Variants in C20orf96 observed in about 807,000 individuals in gnomAD.
The protein encoded by C20orf96 is uncharacterized protein C20orf96.
Under a neutral mutation model 52.6 loss-of-function variants are expected in C20orf96, and 57 were observed. The observed-to-expected ratio is 1.08, with a 90% confidence interval of 0.88 to 1.35. The LOEUF is 1.35. Among genes scored for constraint, C20orf96 ranks in the 40% most tolerant of loss-of-function variants. The pLI is 0.00. For missense variants in C20orf96, 478 were observed against 443.6 expected, an observed-to-expected ratio of 1.08 and a Z score of -0.70; for synonymous variants, 168 against 157.2, an observed-to-expected ratio of 1.07 and a Z score of -0.51.
chr20:285,224 A>G (rs923531754), intron 3 of C20orf96, among the ~76,000 whole-genome samples: 1 of 152,228 alleles, frequency 6.6e-6, no homozygotes, highest in African/African-American at 2.4e-5. Context: ...ATAAGAGTAC[A>G]GGCATTTGGG....
At chr20:290,220 G>T in intron 2 of C20orf96, 39 bp downstream of exon 2, 1 of 1,536,966 alleles carries the variant, frequency 6.5e-7, no homozygotes, top group Non-Finnish European at 9.0e-7. Context: ...TGCAGGGCCA[G>T]CGAGCCTCCC....
intron 1 of C20orf96, 119 bp from the exon 2 acceptor site, chr20:290,426 G>C (rs2012510441): frequency 1.3e-6 from 2 of 1,546,824 alleles, no homozygotes; most frequent in South Asian, 2.4e-5. Flanking sequence ...GGGGACAATA[G>C]CCCCGCGGGA....
intron 10 of C20orf96, among the ~76,000 whole-genome samples, chr20:274,570 C>G (rs1600183390): frequency 6.6e-6 from 1 of 152,164 alleles, no homozygotes; most frequent in Non-Finnish European, 1.5e-5. Flanking sequence ...GCACCTTACC[C>G]CTTTCAGTCT....
rs201857645 is a variant in C20orf96, at chr20:289,562, G to C, written c.184C>G (p.Pro62Ala). Reference protein sequence around the residue: ...SKMKTLTRVQPVFHFKPTTVV... With the variant: ...SKMKTLTRVQAVFHFKPTTVV... ...GCTCCCAGGTGCCTCCGCCCACCTG[G>C]TTGGACCCTAGTCAAAGTCTTCATT... The change falls in exon 3 of 11, where the codon CCA becomes GCA. Residue 62 changes from proline (P) to alanine (A), a missense_variant. By Grantham distance (27) the Pro-to-Ala change is conservative. Coordinates refer to ENST00000360321, the MANE Select transcript of C20orf96 (RefSeq NM_153269.3). 1.2e-5 allele frequency: 19 copies of C among 1,612,714 alleles called. No homozygotes were observed. In the Admixed American group the frequency reaches 3.2e-4, roughly 27 times the overall value.
rs771576019 is a variant in C20orf96, at chr20:277,333, C to G, written c.616G>C (p.Glu206Gln). The G allele has an allele frequency of 6.8e-6, 11 of 1,614,126 alleles. No individual in the cohort carries two copies. The highest frequency in any genetic ancestry group is 1.7e-4 in the Middle Eastern group (1 of 6,060). The change falls in exon 7 of 11, where the codon GAG becomes CAG. Residue 206 changes from glutamate to glutamine, a missense_variant. Coordinates refer to ENST00000360321, the MANE Select transcript of C20orf96 (RefSeq NM_153269.3). ...TAAGTGCTCAGGAAGTTCACTTCCTCCTGGGTCTTCTCAATCTTGGCATTC... is the reference window on the plus strand; with the variant it reads ...TAAGTGCTCAGGAAGTTCACTTCCTGCTGGGTCTTCTCAATCTTGGCATTC... Reference protein sequence around the residue: ...QLNAKIEKTQEEVNFLSTYMD... With the variant: ...QLNAKIEKTQQEVNFLSTYMD...
chr20:284,205 A>T (rs977498197), intron 3 of C20orf96, 124 bp from the exon 4 acceptor site: 6 of 696,482 alleles, frequency 8.6e-6, no homozygotes, highest in African/African-American at 1.8e-5. Context: ...TGACTGCCTT[A>T]TAATGTGACA....
intron 4 of C20orf96, among the ~76,000 whole-genome samples, chr20:281,348 TG>T (rs2122288664): frequency 6.6e-6 from 1 of 152,232 alleles, no homozygotes; most frequent in African/African-American, 2.4e-5. Flanking sequence ...AGCAAGACCC[TG>T]TCTTTAAATT....
intron 1 of C20orf96, 112 bp from the exon 2 acceptor site, chr20:290,419 G>A (rs552281587): frequency 1.1e-5 from 17 of 1,552,994 alleles, no homozygotes; most frequent in South Asian, 2.4e-5. Context: ...GTTTACCGGG[G>A]ACAATAGCCC....
intron 10 of C20orf96, among the ~76,000 whole-genome samples, chr20:273,104 AG>A (rs533016546): frequency 8.5e-5 from 13 of 152,086 alleles, no homozygotes; most frequent in Admixed American, 2.6e-4. Flanking sequence ...CCTTCACTGC[AG>A]CTGGGACTAC....
Position 272,175 on chromosome 20 carries a change from T to C in C20orf96, c.1032-908A>G, listed in dbSNP as rs144090994. Among the ~76,000 whole-genome samples the C allele has an allele frequency of 1.1e-3, 166 of 151,436 alleles. 2 individuals are homozygous for C. In the East Asian group the frequency reaches 0.025, roughly 23 times the overall value. On this transcript the variant is annotated intron_variant, in intron 10 of 10. Transcript: ENST00000360321. The stretch of plus-strand genomic sequence containing the variant: ...TCATTATATCATTCTCTCTTCTTTA[T>C]ATTTGAAATTTTTCATAATAATAGT...
chr20:290,584 T>TTTTTTTTTTTTA lies in C20orf96; in HGVS notation c.20+6_20+7insTAAAAAAAAAAA. On this transcript the variant is annotated splice_region_variant and intron_variant, in intron 1 of 10. Coordinates refer to ENST00000360321, the MANE Select transcript of C20orf96 (RefSeq NM_153269.3). ...TCCAATTTTTTTTTTTTTTTTTTTT[T>TTTTTTTTTTTTA]ACCTACTTTTGTAAGACATGCGCCA... The TTTTTTTTTTTTA allele has an allele frequency of 6.4e-7, 1 of 1,553,124 alleles. No individual in the cohort carries two copies.
chr20:279,412 C>A (rs570909176), intron 4 of C20orf96, 82 bp from the exon 5 acceptor site: 15,816 of 1,422,422 alleles, frequency 0.011, 155 homozygotes, highest in South Asian at 0.035. Context: ...CCCGCCGCCC[C>A]GGCCCCGCCA....
chr20:271,477 CACAT>C (rs1210797930), intron 10 of C20orf96, among the ~76,000 whole-genome samples: 2 of 150,052 alleles, frequency 1.3e-5, no homozygotes, highest in South Asian at 2.1e-4. Context: ...CACACACACA[CACAT>C]ACACACACAT....
chr20:288,223 C>T (rs2122328325), intron 3 of C20orf96, among the ~76,000 whole-genome samples: 2 of 130,458 alleles, frequency 1.5e-5, no homozygotes, highest in Middle Eastern at 9.8e-3. Flanking sequence ...ATTGCTCCAG[C>T]GCCACCCATG....
At chr20:273,908 AGGGAGGGAGGGAGGG>A (rs1568489085) in intron 10 of C20orf96, among the ~76,000 whole-genome samples, 484 of 44,504 alleles carry the variant, frequency 0.011, 10 homozygotes, top group African/African-American at 0.035. Flanking sequence ...GAAGGAAGGG[AGGGAGGGAGGGAGGG>A]AGGGAGGGAG....
At chr20:289,301 T>C (rs558489504) in intron 3 of C20orf96, among the ~76,000 whole-genome samples, 1 of 152,090 alleles carries the variant, frequency 6.6e-6, no homozygotes, top group Non-Finnish European at 1.5e-5. Context: ...TTCAAGACCT[T>C]ACAAAATATC....
chr20:284,886 A>T (rs1043905584), intron 3 of C20orf96, among the ~76,000 whole-genome samples: 2 of 152,190 alleles, frequency 1.3e-5, no homozygotes, highest in African/African-American at 4.8e-5. Context: ...ATAAATTTTT[A>T]AAAATTCCAG....
chr20:280,407 A>T (rs1052356905), intron 4 of C20orf96, among the ~76,000 whole-genome samples: 2 of 123,226 alleles, frequency 1.6e-5, no homozygotes, highest in African/African-American at 3.7e-5. Context: ...TAACAATAAC[A>T]ACAACAATTG....
rs116072146 is a variant in C20orf96, at chr20:290,437, G to A, written c.21-130C>T. On this transcript the variant is annotated intron_variant, in intron 1 of 10. Transcript: ENST00000360321. The stretch of plus-strand genomic sequence containing the variant: ...TACCGGGGACAATAGCCCCGCGGGA[G>A]TGGGGCGGGGCCAAGGAGATGTGGG... 2.7e-3 allele frequency: 4,100 copies of A among 1,540,098 alleles called. 89 individuals carry two copies. The African/African-American group carries it at 0.05, about 19-fold the overall frequency.
Sources: allele counts gnomAD v4.1 joint callset (sites outside exome capture counted in the v4.1 genomes callset), GRCh38; gene constraint gnomAD v4.1.1; transcripts MANE v1.5; gene names NCBI Gene and HGNC (gene_info 2026-07-23, HGNC 2026-07-21).